PDE10A: variants seen among roughly 807,000 people sequenced by gnomAD.
PDE10A encodes cAMP and cAMP-inhibited cGMP 3',5'-cyclic phosphodiesterase 10A.
In PDE10A, 39 loss-of-function variants were observed where a neutral mutation model predicts 97.7. That is an observed-to-expected ratio of 0.40 (90% CI 0.31 to 0.52). The LOEUF is 0.52. PDE10A is among the 20% of genes least tolerant of loss of function. PDE10A has a pLI of 0.56. For synonymous variants in PDE10A, 371 were observed against 376.8 expected (o/e 0.98, Z 0.18); for missense variants, 731 against 1,047.8 (o/e 0.70, Z 4.17).
chr6:165,413,369 A>G, intron 13 of PDE10A, 132 bp downstream of exon 13: 1 of 595,348 alleles, frequency 1.7e-6, no homozygotes, highest in Non-Finnish European at 2.9e-6. Flanking sequence ...ATGTACAATC[A>G]GGAATCACTT....
intron 1 of PDE10A, among the ~76,000 whole-genome samples, chr6:165,570,106 G>A (rs1784979791): frequency 6.6e-6 from 1 of 152,154 alleles, no homozygotes; most frequent in African/African-American, 2.4e-5. Flanking sequence ...CCTTTAAGAA[G>A]ATGATTAAGT....
chr6:165,554,931 C>T lies in PDE10A; in HGVS notation c.866-11363G>A, dbSNP rs140058846. Reference sequence around the variant, plus strand: ...AAGCCAGGCACGGAAAGACAAACATCGCATGTTCTCATTTATTTGTGGGAT... The same window carrying T: ...AAGCCAGGCACGGAAAGACAAACATTGCATGTTCTCATTTATTTGTGGGAT... On this transcript the variant is annotated intron_variant, in intron 1 of 21. Coordinates refer to ENST00000539869, the MANE Select transcript of PDE10A (RefSeq NM_001385079.1). Among the ~76,000 whole-genome samples the T allele has an allele frequency of 8.2e-3, 1,245 of 152,206 alleles. 16 individuals are homozygous for T. Among genetic ancestry groups the T allele is most frequent in the African/African-American group, 0.028 (1,184 of 41,544 alleles).
chr6:165,980,329 C>G (rs1045844544), intron 1 of PDE10A, among the ~76,000 whole-genome samples: 1 of 152,164 alleles, frequency 6.6e-6, no homozygotes, highest in African/African-American at 2.4e-5. Flanking sequence ...ACTTCCATAT[C>G]TAGGAATTTA....
At chr6:165,431,311 A>ATT in intron 8 of PDE10A, 111 bp downstream of exon 8, 2 of 573,082 alleles carry the variant, frequency 3.5e-6, no homozygotes, top group South Asian at 5.7e-5. Context: ...AAATTGTAAT[A>ATT]TCCCAAAATA....
At chr6:165,349,565 A>T (rs1044423138) in intron 18 of PDE10A, among the ~76,000 whole-genome samples, 7 of 152,196 alleles carry the variant, frequency 4.6e-5, no homozygotes, top group African/African-American at 1.4e-4. Flanking sequence ...TTCTGGGGAG[A>T]AATTCAAGCC....
intron 1 of PDE10A, among the ~76,000 whole-genome samples, chr6:165,565,770 A>G (rs554462521): frequency 6.6e-6 from 1 of 152,336 alleles, no homozygotes; most frequent in East Asian, 1.9e-4. Flanking sequence ...GCCTATAAAC[A>G]GACCCAAATA....
chr6:165,644,691 C>A (rs911288745), intron 1 of PDE10A, among the ~76,000 whole-genome samples: 1 of 152,180 alleles, frequency 6.6e-6, no homozygotes, highest in Non-Finnish European at 1.5e-5. Flanking sequence ...CTAAACACAG[C>A]GTATTCTATG....
chr6:165,623,570 T>C (rs1788248317), intron 1 of PDE10A, among the ~76,000 whole-genome samples: 1 of 152,108 alleles, frequency 6.6e-6, no homozygotes, highest in Non-Finnish European at 1.5e-5. Flanking sequence ...ATCTAAAACA[T>C]AAACTTAAAA....
chr6:165,740,260 C>T (rs968292712), intron 1 of PDE10A, among the ~76,000 whole-genome samples: 2 of 151,668 alleles, frequency 1.3e-5, no homozygotes, highest in Non-Finnish European at 2.9e-5. Context: ...CATATATTCA[C>T]ATATATGTAT....
chr6:165,336,269 GATATTT>G (rs1781641810), intron 20 of PDE10A, 58 bp from the exon 21 acceptor site: 1 of 1,117,220 alleles, frequency 9.0e-7, no homozygotes, highest in African/African-American at 1.5e-5. Flanking sequence ...CAATTCCAGT[GATATTT>G]ATATTTCTTA....
intron 1 of PDE10A, among the ~76,000 whole-genome samples, chr6:165,852,776 C>G (rs1780607726): frequency 6.6e-6 from 1 of 152,222 alleles, no homozygotes; most frequent in Non-Finnish European, 1.5e-5. Flanking sequence ...CAAATTTTCT[C>G]TCTGTGCACA....
intron 8 of PDE10A, 24 bp downstream of exon 8, chr6:165,431,398 T>C: frequency 6.4e-7 from 1 of 1,568,900 alleles, no homozygotes; most frequent in African/African-American, 1.4e-5. Flanking sequence ...AGGAAGCCCC[T>C]GCAAAAACAC....
chr6:165,599,435 C>A lies in PDE10A; in HGVS notation c.866-55867G>T, dbSNP rs531058429. Among the ~76,000 whole-genome samples, 6 of 152,280 alleles carry A rather than the reference C, an allele frequency of 3.9e-5. No individual in the cohort carries two copies. In the South Asian group the frequency reaches 1.0e-3, roughly 26 times the overall value. On this transcript the variant is annotated intron_variant, in intron 1 of 21. Transcript: ENST00000539869. Reference sequence around the variant, plus strand: ...ACCCTTTCCAAGCTTCCTTCTGATACATTTCAGTGTTAGTTTTCATTTTCT... The same window carrying A: ...ACCCTTTCCAAGCTTCCTTCTGATAAATTTCAGTGTTAGTTTTCATTTTCT...
At chr6:165,915,309 A>G (rs1316612963) in intron 1 of PDE10A, among the ~76,000 whole-genome samples, 1 of 152,192 alleles carries the variant, frequency 6.6e-6, no homozygotes, top group East Asian at 1.9e-4. Flanking sequence ...AATTGTAACG[A>G]TTTTTAAAAA....
At chr6:165,368,051 A>AT (rs1783931685) in intron 18 of PDE10A, among the ~76,000 whole-genome samples, 1 of 152,208 alleles carries the variant, frequency 6.6e-6, no homozygotes, top group Admixed American at 6.5e-5. Flanking sequence ...ACTGGAGTGC[A>AT]GTGGCATGGT....
intron 1 of PDE10A, among the ~76,000 whole-genome samples, chr6:165,584,295 C>T (rs978330118): frequency 6.6e-6 from 1 of 152,174 alleles, no homozygotes; most frequent in Non-Finnish European, 1.5e-5. Context: ...CATGCTCATA[C>T]ACATATGTTC....
chr6:165,334,009 C>T (rs1450555520), intron 21 of PDE10A, among the ~76,000 whole-genome samples: 1 of 152,188 alleles, frequency 6.6e-6, no homozygotes. Flanking sequence ...AAAGTGTAGC[C>T]CTTTTAACTT....
chr6:165,660,660 G>C (rs1158414093), intron 1 of PDE10A: 40 of 152,834 alleles, frequency 2.6e-4, no homozygotes, highest in Non-Finnish European at 8.8e-5. Context: ...GTGCCCTGGA[G>C]ACCCGGGTCG....
intron 3 of PDE10A, among the ~76,000 whole-genome samples, chr6:165,477,010 T>C (rs1236852513): frequency 1.3e-5 from 2 of 152,144 alleles, no homozygotes; most frequent in East Asian, 3.9e-4. Flanking sequence ...AGAGTAATAG[T>C]AATAATAAAG....
Sources: allele counts gnomAD v4.1 joint callset (sites outside exome capture counted in the v4.1 genomes callset), GRCh38; gene constraint gnomAD v4.1.1; transcripts MANE v1.5; gene names NCBI Gene and HGNC (gene_info 2026-07-23, HGNC 2026-07-21).